Variants in WDR47 observed in about 807,000 individuals in gnomAD.
The protein encoded by WDR47 is WD repeat-containing protein 47.
WDR47 carries 32 observed loss-of-function variants against 97.2 expected under a neutral mutation model. That is an observed-to-expected ratio of 0.33 (90% confidence interval 0.25 to 0.44). The LOEUF (loss-of-function observed/expected upper bound fraction) is 0.44, where lower values mean the gene tolerates loss of function less well. Ranked by LOEUF, WDR47 falls within the 20% of genes least tolerant of loss-of-function variation. The pLI, the probability that WDR47 is intolerant of heterozygous loss-of-function variation, is 1.00. For missense variants in WDR47, 782 were observed against 1,102.3 expected (o/e 0.71, Z 4.11); for synonymous variants, 375 against 373.5 (o/e 1.00, Z -0.05).
At chr1:108,973,371 C>T (rs547987600) in intron 14 of WDR47, among the ~76,000 whole-genome samples, 2 of 152,312 alleles carry the variant, frequency 1.3e-5, no homozygotes, top group East Asian at 1.9e-4. Context: ...CCTAAAATTA[C>T]ATTGTTTATT....
Position 108,981,813 on chromosome 1 carries a change from G to A in WDR47, c.2318C>T (p.Ser773Phe). The A allele has an allele frequency of 1.9e-6, 3 of 1,613,726 alleles. No homozygotes were observed. Among genetic ancestry groups the A allele is most frequent in the African/African-American group, 1.3e-5 (1 of 74,982 alleles). ...CCAAAATCTAACAGTCTTATCTTGG[G>A]AACCAGATGCAATCATCCAGCCACT... ...TWSGWMIASGSQDKTVRFWDL... is the reference protein window; with the variant it reads ...TWSGWMIASGFQDKTVRFWDL... The change falls in exon 13 of 15, where the codon TCC (serine) becomes TTC (phenylalanine). Residue 773 changes from serine to phenylalanine, a missense_variant. Transcript: ENST00000369962.
Position 109,007,952 on chromosome 1 carries a change from A to C in WDR47, c.1130+2964T>G, listed in dbSNP as rs138465944. ...CCCCGGCTCTACTAAAAATACAAAA[A>C]TTAGCCAGGCACAGTGGCGGGCGCC... On this transcript the variant is annotated intron_variant, in intron 5 of 14. Transcript: ENST00000369962. 1.5e-3 allele frequency among the ~76,000 whole-genome samples: 222 copies of C among 152,090 alleles called. 2 individuals are homozygous for C. In the East Asian group the frequency reaches 0.032, roughly 22 times the overall value.
At chr1:108,981,634 C>T in intron 13 of WDR47, 99 bp downstream of exon 13, 2 of 1,182,530 alleles carry the variant, frequency 1.7e-6, no homozygotes, top group Admixed American at 2.9e-5. Flanking sequence ...GTATTTATTT[C>T]ACAATTTTTT....
chr1:108,995,436 G>C, intron 8 of WDR47, 144 bp downstream of exon 8: 2 of 889,548 alleles, frequency 2.2e-6, no homozygotes, highest in Non-Finnish European at 3.4e-6. Context: ...AGAGAATATA[G>C]ACAAATGAAG....
chr1:108,985,098 G>A (rs1645276856), intron 10 of WDR47, among the ~76,000 whole-genome samples: 1 of 151,912 alleles, frequency 6.6e-6, no homozygotes. Flanking sequence ...TCCTCTTATT[G>A]CCATCCAATC....
chr1:109,003,529 TCTCA>T (rs1227888162), intron 6 of WDR47, among the ~76,000 whole-genome samples: 2 of 152,102 alleles, frequency 1.3e-5, no homozygotes, highest in East Asian at 3.9e-4. Flanking sequence ...TGAGACAGAG[TCTCA>T]CTCTGTCGCC....
In WDR47 at chr1:108,971,458, G is replaced by A; in HGVS notation, c.2732C>T (p.Thr911Ile). 1 of 1,614,208 alleles carries A rather than the reference G, an allele frequency of 6.2e-7. No homozygotes were observed. The highest frequency in any genetic ancestry group is 8.5e-7 in the Non-Finnish European group (1 of 1,180,032). The change falls in exon 15 of 15, where the codon ACT becomes ATT. Residue 911 changes from threonine (T) to isoleucine (I), a missense_variant. Coordinates refer to ENST00000369962, the MANE Select transcript of WDR47 (RefSeq NM_001142551.2). ...CCCATTGTAAGTCCAGAGGGTGACAGTTCTATCTGCAGAGGATGACAGGAA... is the reference window on the plus strand; with the variant it reads ...CCCATTGTAAGTCCAGAGGGTGACAATTCTATCTGCAGAGGATGACAGGAA... ...LSFLSSSADR[T>I]VTLWTYNG
At chr1:109,023,910 T>G (rs1304480666) in intron 1 of WDR47, among the ~76,000 whole-genome samples, 1 of 152,180 alleles carries the variant, frequency 6.6e-6, no homozygotes, top group Non-Finnish European at 1.5e-5. Flanking sequence ...TTTAAAATTT[T>G]CCATAATAGA....
At chr1:109,004,970 T>C (rs889199668) in intron 5 of WDR47, among the ~76,000 whole-genome samples, 1 of 152,048 alleles carries the variant, frequency 6.6e-6, no homozygotes, top group Non-Finnish European at 1.5e-5. Flanking sequence ...TTTTGTATTT[T>C]TAGTAGAGAC....
At chr1:108,980,455 G>A (rs776952167) in intron 13 of WDR47, among the ~76,000 whole-genome samples, 61 of 152,140 alleles carry the variant, frequency 4.0e-4, no homozygotes, top group Non-Finnish European at 7.9e-4. Context: ...AGGACCAGGC[G>A]TGGTAGCTCA....
Position 108,970,534 on chromosome 1 carries a change from C to G in WDR47, c.*896G>C, listed in dbSNP as rs1187638120. On this transcript the variant is annotated 3_prime_UTR_variant, in exon 15 of 15. Coordinates refer to ENST00000369962, the MANE Select transcript of WDR47 (RefSeq NM_001142551.2). ...AGCTTTTGGAGTGCAAAGTTTAAAT[C>G]TTCCATTTTAAATTATCATGCAGAC... is the stretch of plus-strand genomic sequence containing the variant. 2 of 152,602 alleles carry G rather than the reference C, an allele frequency of 1.3e-5. No homozygotes were observed. Among genetic ancestry groups the G allele is most frequent in the South Asian group, 4.1e-4 (2 of 4,830 alleles). 9.5% of individuals were successfully genotyped at this position (152,602 alleles called of 1,614,324 possible).
intron 12 of WDR47, 51 bp from the exon 13 acceptor site, chr1:108,981,915 A>G (rs1282419928): frequency 6.4e-7 from 1 of 1,574,540 alleles, no homozygotes; most frequent in African/African-American, 1.4e-5. Flanking sequence ...ATCTTTCCAT[A>G]ACATATTCAA....
At chr1:108,998,346 T>C (rs1386762253) in intron 7 of WDR47, among the ~76,000 whole-genome samples, 1 of 151,752 alleles carries the variant, frequency 6.6e-6, no homozygotes, top group East Asian at 1.9e-4. Flanking sequence ...TTACTAAAAA[T>C]ACAAAAATTA....
At chr1:109,019,696 T>G (rs1459033752) in intron 2 of WDR47, among the ~76,000 whole-genome samples, 2 of 152,036 alleles carry the variant, frequency 1.3e-5, no homozygotes, top group Non-Finnish European at 2.9e-5. Flanking sequence ...CTCTACATTG[T>G]GAATTCTATG....
chr1:108,974,105 G>T (rs942596481), intron 14 of WDR47, among the ~76,000 whole-genome samples: 4 of 151,796 alleles, frequency 2.6e-5, no homozygotes, highest in African/African-American at 9.7e-5. Context: ...GAGGTGGGAG[G>T]ATCACTTGAG....
intron 8 of WDR47, among the ~76,000 whole-genome samples, chr1:108,994,551 C>T (rs538459360): frequency 1.3e-5 from 2 of 152,050 alleles, no homozygotes; most frequent in East Asian, 3.9e-4. Flanking sequence ...TGAGACCAGC[C>T]TAGGCAACAT....
chr1:109,024,974 A>G (rs1662097032), intron 1 of WDR47: 1 of 152,226 alleles, frequency 6.6e-6, no homozygotes, highest in Non-Finnish European at 1.5e-5. Context: ...CCTCTGAACA[A>G]CAGAGGAAGA....
At chr1:109,030,732 C>T (rs1185467025) in intron 1 of WDR47, among the ~76,000 whole-genome samples, 1 of 117,510 alleles carries the variant, frequency 8.5e-6, no homozygotes, top group Non-Finnish European at 1.8e-5. Context: ...CAAACTGCAA[C>T]ACAGGACTAC....
chr1:109,000,468 C>T (rs946726637), intron 7 of WDR47, among the ~76,000 whole-genome samples: 1 of 132,688 alleles, frequency 7.5e-6, no homozygotes, highest in Non-Finnish European at 1.5e-5. Flanking sequence ...GAGATCGCAC[C>T]ACTGCACTTC....
Sources: allele counts gnomAD v4.1 joint callset (sites outside exome capture counted in the v4.1 genomes callset), GRCh38; gene constraint gnomAD v4.1.1; transcripts MANE v1.5; gene names NCBI Gene and HGNC (gene_info 2026-07-23, HGNC 2026-07-21).